Variants in ARMH3 observed in about 807,000 individuals in gnomAD.
ARMH3 encodes the protein armadillo like helical domain containing 3.
Under a neutral mutation model 99.1 loss-of-function variants are expected in ARMH3, and 60 were observed. That is an observed-to-expected ratio of 0.61 (90% CI 0.49 to 0.75). ARMH3 has a LOEUF of 0.75. Among genes scored for constraint, ARMH3 ranks in the 30% least tolerant of loss-of-function variants. The probability of loss-of-function intolerance (pLI) is 0.00; values close to 1 mark genes in which losing one functional copy is unlikely to be tolerated. For synonymous variants in ARMH3, 285 were observed against 292.8 expected, an observed-to-expected ratio of 0.97 and a Z score of 0.27; for missense variants, 679 against 843.1, an observed-to-expected ratio of 0.81 and a Z score of 2.41.
chr10:102,013,782 G>A (rs1410697480), intron 9 of ARMH3, among the ~76,000 whole-genome samples, 186 bp downstream of exon 9: 1 of 152,166 alleles, frequency 6.6e-6, no homozygotes, highest in Non-Finnish European at 1.5e-5. Context: ...TTCCTTCCAT[G>A]ATAATAAGTC....
intron 8 of ARMH3, among the ~76,000 whole-genome samples, chr10:102,020,623 T>C (rs985073594): frequency 4.0e-5 from 6 of 148,250 alleles, no homozygotes; most frequent in African/African-American, 1.5e-4. Flanking sequence ...GAGGCGGAGC[T>C]TGCAGTGACC....
At chr10:101,939,302 C>T (rs942249220) in intron 23 of ARMH3, among the ~76,000 whole-genome samples, 3 of 152,192 alleles carry the variant, frequency 2.0e-5, no homozygotes, top group South Asian at 2.1e-4. Context: ...CATTTACCAA[C>T]AGCTCACACC....
intron 19 of ARMH3, among the ~76,000 whole-genome samples, chr10:101,979,991 C>T (rs967248646): frequency 1.3e-5 from 2 of 152,134 alleles, no homozygotes; most frequent in African/African-American, 4.8e-5. Flanking sequence ...GTCATATCCT[C>T]GCTGCCTTAA....
chr10:101,902,939 G>T (rs1432043745), intron 23 of ARMH3, among the ~76,000 whole-genome samples: 2 of 152,158 alleles, frequency 1.3e-5, no homozygotes, highest in Non-Finnish European at 2.9e-5. Flanking sequence ...AAGCCCATGC[G>T]GAGGGTGAGG....
In ARMH3 at chr10:101,889,489, C is replaced by T; in HGVS notation, c.1783G>A (p.Ala595Thr). 6.2e-7 allele frequency: 1 copy of T among 1,611,264 alleles called. No individual in the cohort carries two copies. Among genetic ancestry groups the T allele is most frequent in the Non-Finnish European group, 8.5e-7 (1 of 1,177,452 alleles). ...KVTHALVNIR[A>T]IINHFNPKIE... ...TTGGGGTTAAAGTGGTTGATGATGG[C>T]TCTGAAACAAAGAATTCGTATTAAT... The change falls in exon 24 of 26, where the codon GCC (alanine) becomes ACC (threonine). Residue 595 changes from alanine to threonine, a missense_variant and splice_region_variant. Ala to Thr is a moderately conservative substitution (Grantham distance 58). Coordinates refer to ENST00000370033, the MANE Select transcript of ARMH3 (RefSeq NM_024541.3).
At chr10:101,970,695 C>T (rs1474390905) in intron 20 of ARMH3, among the ~76,000 whole-genome samples, 2 of 151,592 alleles carry the variant, frequency 1.3e-5, no homozygotes, top group Non-Finnish European at 2.9e-5. Context: ...CATGGTAGTA[C>T]GCATCTGTAG....
At chr10:101,916,639 T>A (rs1020786449) in intron 23 of ARMH3, among the ~76,000 whole-genome samples, 1 of 152,202 alleles carries the variant, frequency 6.6e-6, no homozygotes, top group Non-Finnish European at 1.5e-5. Context: ...AATTTTATTA[T>A]CAACTTGACT....
At chr10:101,970,452 TC>T (rs1382186393) in intron 20 of ARMH3, among the ~76,000 whole-genome samples, 1 of 152,162 alleles carries the variant, frequency 6.6e-6, no homozygotes, top group Non-Finnish European at 1.5e-5. Context: ...AGAATGTTGA[TC>T]CATCATTAAT....
intron 14 of ARMH3, among the ~76,000 whole-genome samples, chr10:102,003,922 C>A (rs1450405359): frequency 1.3e-5 from 2 of 152,092 alleles, no homozygotes; most frequent in Non-Finnish European, 2.9e-5. Context: ...GGGTTAATGA[C>A]CCAAGACTGT....
intron 23 of ARMH3, among the ~76,000 whole-genome samples, chr10:101,903,553 G>C (rs1713657355): frequency 6.6e-6 from 1 of 152,218 alleles, no homozygotes; most frequent in Non-Finnish European, 1.5e-5. Flanking sequence ...CAGGGTGCTT[G>C]AGCAGAGTCT....
intron 23 of ARMH3, among the ~76,000 whole-genome samples, chr10:101,907,191 T>C (rs982131182): frequency 6.6e-6 from 1 of 152,212 alleles, no homozygotes; most frequent in African/African-American, 2.4e-5. Flanking sequence ...TTTAGATACA[T>C]TTATAGATAT....
At chr10:101,981,158 C>T (rs190310701) in intron 19 of ARMH3, among the ~76,000 whole-genome samples, 52 of 150,264 alleles carry the variant, frequency 3.5e-4, no homozygotes, top group Non-Finnish European at 5.3e-4. Context: ...CACATGTAAT[C>T]GTTTTTTTGT....
intron 23 of ARMH3, among the ~76,000 whole-genome samples, chr10:101,924,547 GGGTTTCACCGTGTTAGCCAGGAC>G (rs1843432118): frequency 6.6e-6 from 1 of 151,410 alleles, no homozygotes; most frequent in African/African-American, 2.4e-5. Flanking sequence ...AGTAGAGACG[GGGTTTCACCGTGTTAGCCAGGAC>G]GGTCTCAATC....
chr10:101,858,511 C>T (rs902277026), intron 24 of ARMH3, among the ~76,000 whole-genome samples: 3 of 152,078 alleles, frequency 2.0e-5, no homozygotes, highest in African/African-American at 7.2e-5. Flanking sequence ...TTGATATGAC[C>T]CTATGAATAA....
chr10:101,965,813 G>A (rs1845505651), intron 20 of ARMH3, among the ~76,000 whole-genome samples: 1 of 152,136 alleles, frequency 6.6e-6, no homozygotes, highest in Admixed American at 6.5e-5. Context: ...ACTCCAAATT[G>A]GCTACAACTG....
intron 6 of ARMH3, among the ~76,000 whole-genome samples, chr10:102,024,465 T>A (rs1460200219): frequency 7.1e-6 from 1 of 141,162 alleles, no homozygotes; most frequent in East Asian, 2.2e-4. Flanking sequence ...AATAAATAAA[T>A]AAAAGCCAAA....
intron 24 of ARMH3, among the ~76,000 whole-genome samples, chr10:101,851,955 C>T (rs2066611686): frequency 6.6e-6 from 1 of 152,212 alleles, no homozygotes; most frequent in South Asian, 2.1e-4. Flanking sequence ...ACGTGGGCTG[C>T]ACTCGTGGCT....
At chr10:102,029,565 T>A (rs774456570) in intron 5 of ARMH3, 73 bp downstream of exon 5, 4 of 1,614,094 alleles carry the variant, frequency 2.5e-6, no homozygotes, top group East Asian at 4.5e-5. Context: ...TGAGTACATT[T>A]GTCTGCTGAT....
intron 23 of ARMH3, among the ~76,000 whole-genome samples, chr10:101,930,557 A>C (rs1203341359): frequency 1.3e-5 from 2 of 152,176 alleles, no homozygotes; most frequent in East Asian, 3.8e-4. Context: ...GATATAGCCA[A>C]GGTTGCATGG....
Sources: gnomAD v4.1 joint callset for allele counts (sites outside exome capture counted in the v4.1 genomes callset) on GRCh38, gnomAD v4.1.1 for gene constraint, MANE v1.5 for transcripts, NCBI Gene and HGNC (gene_info 2026-07-23, HGNC 2026-07-21) for gene names.